AP1B1: variants seen among roughly 807,000 people sequenced by gnomAD.
AP1B1 encodes adaptor related protein complex 1 subunit beta 1, also known as AP-1 complex subunit beta-1.
AP1B1 carries 36 observed loss-of-function variants against 104.3 expected under a neutral mutation model. The observed-to-expected ratio is 0.35, with a 90% CI of 0.26 to 0.46. AP1B1 has a LOEUF of 0.46. AP1B1 is among the 20% of genes least tolerant of loss of function. The pLI, the probability that AP1B1 is intolerant of heterozygous loss-of-function variation, is 1.00. For synonymous variants in AP1B1, 504 were observed against 517.5 expected (o/e 0.97, Z 0.35); for missense variants, 901 against 1,247.9 (o/e 0.72, Z 4.19).
intron 1 of AP1B1, chr22:29,370,465 A>AG (rs1485518399): frequency 3.3e-5 from 5 of 151,908 alleles, no homozygotes; most frequent in Middle Eastern, 3.4e-3. Context: ...AAAAAAAAAA[A>AG]AAAAGAAAGA....
At chr22:29,338,640 A>T (rs999583097) in intron 16 of AP1B1, among the ~76,000 whole-genome samples, 1 of 152,324 alleles carries the variant, frequency 6.6e-6, no homozygotes, top group East Asian at 1.9e-4. Context: ...AGGGGTGCTG[A>T]GTCTGATGGC....
In AP1B1 at chr22:29,378,675, C is replaced by T. The variant is rs376740299; in HGVS notation, c.-28+9749G>A. Among the ~76,000 whole-genome samples, 74 of 150,376 alleles carry T rather than the reference C, an allele frequency of 4.9e-4. No individual in the cohort carries two copies. In the East Asian group the frequency reaches 0.012, roughly 24 times the overall value. The stretch of plus-strand genomic sequence containing the variant: ...GAAATCGAGACCATCCTGGCTAACA[C>T]GGTGAAACCCCATCTCTACTAAAAA... On this transcript the variant is annotated intron_variant, in intron 1 of 22. Transcript: ENST00000357586.
chr22:29,369,114 A>G (rs1201334954), intron 1 of AP1B1, among the ~76,000 whole-genome samples: 2 of 152,114 alleles, frequency 1.3e-5, no homozygotes, highest in Non-Finnish European at 2.9e-5. Context: ...TAACCCACCA[A>G]TATCTCCTTT....
intron 21 of AP1B1, 179 bp from the exon 22 acceptor site, chr22:29,329,899 C>A: frequency 6.9e-7 from 1 of 1,453,290 alleles, no homozygotes; most frequent in Non-Finnish European, 9.1e-7. Context: ...GGGGGAGAAG[C>A]AGAGTTTGGG....
chr22:29,331,823 G>A lies in AP1B1; in HGVS notation c.2403C>T (p.Gly801=). ...TCAGAGGCTCCATCTTCATGACCGA[G>A]CCCACCGTGCTGAGAGGCAGGGAGA... ...VEISLPLSTV[G]SVMKMEPLNN... is the part of the protein sequence containing the mutation. The change falls in exon 18 of 23, where the codon GGC becomes GGT. Residue 801 remains glycine (G), a synonymous_variant. Coordinates refer to ENST00000357586, the MANE Select transcript of AP1B1 (RefSeq NM_001127.4). The A allele has an allele frequency of 6.2e-7, 1 of 1,613,698 alleles. No homozygotes were observed. The highest frequency in any genetic ancestry group is 8.5e-7 in the Non-Finnish European group (1 of 1,179,844).
intron 16 of AP1B1, among the ~76,000 whole-genome samples, chr22:29,336,367 C>T (rs150531153): frequency 2.6e-5 from 4 of 152,318 alleles, no homozygotes; most frequent in East Asian, 1.9e-4. Context: ...AAGTCCTGCC[C>T]GTGGCAGAAA....
rs1307945729 is a variant in AP1B1, at chr22:29,339,740, G to A, written c.2019+14C>T. ...CAAGGACGAAGGCTTGGTGACGCAAGGGTTGAACCATACCCCTTCAGGCTC... is the reference window on the plus strand; with the variant it reads ...CAAGGACGAAGGCTTGGTGACGCAAAGGTTGAACCATACCCCTTCAGGCTC... On this transcript the variant is annotated intron_variant, in intron 15 of 22. Coordinates refer to ENST00000357586, the MANE Select transcript of AP1B1 (RefSeq NM_001127.4). 6.2e-7 allele frequency: 1 copy of A among 1,609,582 alleles called. No homozygotes were observed.
intron 1 of AP1B1, among the ~76,000 whole-genome samples, chr22:29,379,285 C>T (rs1441442430): frequency 1.3e-5 from 2 of 151,962 alleles, no homozygotes; most frequent in Non-Finnish European, 2.9e-5. Context: ...CCTGAAATCG[C>T]ACCACTGCAC....
intron 1 of AP1B1, among the ~76,000 whole-genome samples, chr22:29,379,005 A>G (rs2062394362): frequency 6.6e-6 from 1 of 152,172 alleles, no homozygotes; most frequent in Admixed American, 6.5e-5. Context: ...TTCTAGAATC[A>G]GGTACCAGTT....
chr22:29,342,637 G>A (rs2061731871), intron 11 of AP1B1, among the ~76,000 whole-genome samples: 1 of 152,232 alleles, frequency 6.6e-6, no homozygotes, highest in South Asian at 2.1e-4. Context: ...AAGTAGGCCA[G>A]GGGCCGCTGC....
At chr22:29,348,985 TGAA>T (rs1434735834) in intron 11 of AP1B1, among the ~76,000 whole-genome samples, 1 of 152,224 alleles carries the variant, frequency 6.6e-6, no homozygotes, top group African/African-American at 2.4e-5. Context: ...TAAAACAAAA[TGAA>T]GAACTTTTGC....
At position 29,340,838 on chromosome 22, in the gene AP1B1, G is replaced by A. The variant is rs1425167071; in HGVS notation, c.1816C>T (p.Pro606Ser). Reference sequence around the variant, plus strand: ...GGTGCTCCAGTAGGGGCTGTCTCAGGGCTCTCTGCGCTCTCACTCCTGCCG... The same window carrying A: ...GGTGCTCCAGTAGGGGCTGTCTCAGAGCTCTCTGCGCTCTCACTCCTGCCG... The part of the protein sequence containing the change: ...RTASSESAES[P>S]ETAPTGAPPG... The change falls in exon 14 of 23, where the codon CCT (proline) becomes TCT (serine). Residue 606 changes from proline (P) to serine (S), a missense_variant. This residue lies in a region of AP1B1 where 424 missense variants were observed against 494.0 expected (regional missense o/e 0.86). Transcript: ENST00000357586. The A allele has an allele frequency of 2.5e-6, 4 of 1,596,192 alleles. No homozygotes were observed. The highest frequency in any genetic ancestry group is 2.6e-6 in the Non-Finnish European group (3 of 1,173,378).
intron 1 of AP1B1, among the ~76,000 whole-genome samples, chr22:29,380,100 A>G (rs925293743): frequency 3.3e-5 from 5 of 152,200 alleles, no homozygotes; most frequent in African/African-American, 9.7e-5. Context: ...AGGAGAAGAC[A>G]CAATGGTCAT....
intron 11 of AP1B1, among the ~76,000 whole-genome samples, chr22:29,345,873 C>T (rs1311899523): frequency 6.6e-6 from 1 of 151,952 alleles, no homozygotes; most frequent in Non-Finnish European, 1.5e-5. Context: ...TTAGTAGAGA[C>T]GGGGTTTCAT....
At chr22:29,338,966 C>T in intron 16 of AP1B1, 24 bp downstream of exon 16, 1 of 1,613,780 alleles carries the variant, frequency 6.2e-7, no homozygotes, top group African/African-American at 1.3e-5. Flanking sequence ...CTGCTCCCGC[C>T]AAGACAGAAG....
In AP1B1 at chr22:29,383,217, G is replaced by A. The variant is rs551888368; in HGVS notation, c.-28+5207C>T. On this transcript the variant is annotated intron_variant, in intron 1 of 22. Transcript: ENST00000357586. ...CCCAGCAGCCAGCCACCCAATACTC[G>A]GAGATCGGGCAATGAAGACCACCAC... is the stretch of plus-strand genomic sequence containing the variant. Among the ~76,000 whole-genome samples the A allele has an allele frequency of 1.5e-4, 23 of 152,190 alleles. No individual in the cohort carries two copies. The East Asian group carries it at 2.9e-3, about 19-fold the overall frequency.
intron 1 of AP1B1, among the ~76,000 whole-genome samples, chr22:29,383,888 G>A (rs2062478062): frequency 6.6e-6 from 1 of 152,146 alleles, no homozygotes; most frequent in South Asian, 2.1e-4. Flanking sequence ...ACTAGGAGAG[G>A]CCTCCCTTCC....
At position 29,330,454 on chromosome 22, in the gene AP1B1, T is replaced by C; in HGVS notation, c.2690A>G (p.Tyr897Cys). 1.9e-6 allele frequency: 3 copies of C among 1,613,928 alleles called. No homozygotes were observed. The highest frequency in any genetic ancestry group is 1.1e-5 in the South Asian group (1 of 91,086). Residue 897 changes from tyrosine (Y) to cysteine (C), a missense_variant, in exon 21 of 23, where the codon TAC becomes TGC. By Grantham distance (194) the Tyr-to-Cys change is radical. Coordinates refer to ENST00000357586, the MANE Select transcript of AP1B1 (RefSeq NM_001127.4). ...KRNVEGQDMLYQSLKLTNGIW... is the reference protein window; with the variant it reads ...KRNVEGQDMLCQSLKLTNGIW... ...GCCGTTGGTCAGCTTCAGGGACTGG[T>C]AGAGCATGTCCTGGCCCTCCACGTT...
intron 1 of AP1B1, among the ~76,000 whole-genome samples, chr22:29,373,537 T>G (rs896051210): frequency 4.6e-5 from 7 of 152,132 alleles, no homozygotes; most frequent in African/African-American, 1.7e-4. Flanking sequence ...AGGGAAATGA[T>G]CTGCATCCTG....
Sources: gnomAD v4.1 joint callset for allele counts (sites outside exome capture counted in the v4.1 genomes callset) on GRCh38, gnomAD v4.1.1 for gene constraint, gnomAD v4.1.1 regional missense constraint, MANE v1.5 for transcripts, NCBI Gene and HGNC (gene_info 2026-07-23, HGNC 2026-07-21) for gene names.